The following GRIN2B variants were observed in gnomAD, a reference collection of about 807,000 sequenced individuals.
GRIN2B encodes the protein glutamate receptor ionotropic, NMDA 2B.
GRIN2B carries 5 observed loss-of-function variants against 114.5 expected under a neutral mutation model. That is an observed-to-expected ratio of 0.04 (90% CI 0.02 to 0.09). The LOEUF (loss-of-function observed/expected upper bound fraction) is 0.09, where lower values mean the gene tolerates loss of function less well. Ranked by LOEUF, GRIN2B falls within the 10% of genes least tolerant of loss-of-function variation. The pLI is 1.00. For synonymous variants in GRIN2B, 787 were observed against 745.1 expected (o/e 1.06, Z -0.92); for missense variants, 1,108 against 1,943.5 (o/e 0.57, Z 8.08).
intron 3 of GRIN2B, among the ~76,000 whole-genome samples, chr12:13,825,496 T>TTTTTTG (rs375940899): frequency 8.1e-6 from 1 of 122,970 alleles, no homozygotes. Flanking sequence ...TATATATATT[T>TTTTTTG]TGTGTGTGTG....
chr12:13,744,418 TGA>T (rs1393372160), intron 4 of GRIN2B, among the ~76,000 whole-genome samples: 7 of 152,154 alleles, frequency 4.6e-5, no homozygotes, highest in Non-Finnish European at 7.3e-5. Flanking sequence ...CACATGAATA[TGA>T]GTGTGTGCGT....
chr12:13,931,085 C>T (rs1442291343), intron 2 of GRIN2B, among the ~76,000 whole-genome samples: 1 of 152,136 alleles, frequency 6.6e-6, no homozygotes, highest in Non-Finnish European at 1.5e-5. Flanking sequence ...CTAGGCATTA[C>T]CTAGAAGCAC....
At chr12:13,566,207 G>A (rs1044909657) in intron 13 of GRIN2B, among the ~76,000 whole-genome samples, 3 of 152,088 alleles carry the variant, frequency 2.0e-5, no homozygotes, top group African/African-American at 4.8e-5. Context: ...ATAATTTAAC[G>A]AGAAATCAAT....
intron 2 of GRIN2B, among the ~76,000 whole-genome samples, chr12:13,869,834 G>A (rs1865878877): frequency 6.6e-6 from 1 of 152,222 alleles, no homozygotes; most frequent in Non-Finnish European, 1.5e-5. Flanking sequence ...CTGAGGATGG[G>A]CGAGTCACCT....
chr12:13,647,303 T>C (rs1450136784), intron 5 of GRIN2B, among the ~76,000 whole-genome samples: 1 of 152,116 alleles, frequency 6.6e-6, no homozygotes, highest in East Asian at 1.9e-4. Context: ...TTGGAGAACT[T>C]AAGTATGTGA....
intron 4 of GRIN2B, among the ~76,000 whole-genome samples, chr12:13,727,280 T>C (rs1863006582): frequency 6.6e-6 from 1 of 152,190 alleles, no homozygotes; most frequent in African/African-American, 2.4e-5. Context: ...CAGTTTAATG[T>C]TTTTGTTGCT....
chr12:13,636,662 C>A (rs1360245955), intron 5 of GRIN2B, among the ~76,000 whole-genome samples: 1 of 152,126 alleles, frequency 6.6e-6, no homozygotes, highest in Admixed American at 6.5e-5. Context: ...TGGGCCCAAG[C>A]CACTGGGTGA....
At chr12:13,795,549 G>C (rs143774873) in intron 3 of GRIN2B, among the ~76,000 whole-genome samples, 84 of 152,244 alleles carry the variant, frequency 5.5e-4, no homozygotes, top group African/African-American at 2.0e-3. Context: ...CTAATGCATA[G>C]AAATACCATT....
At position 13,543,954 on chromosome 12, in the gene GRIN2B, A is replaced by G. The variant is rs1948314131; in HGVS notation, c.*18829T>C. Reference sequence around the variant, plus strand: ...AATCCCATGCCCTCTCACTTCATCAAAGACATTACTCCAGCAATTGTCCTC... The same window carrying G: ...AATCCCATGCCCTCTCACTTCATCAGAGACATTACTCCAGCAATTGTCCTC... On this transcript the variant is annotated 3_prime_UTR_variant, in exon 14 of 14. Coordinates refer to ENST00000609686, the MANE Select transcript of GRIN2B (RefSeq NM_000834.5). The G allele has an allele frequency of 6.6e-6, 1 of 152,052 alleles. No homozygotes were observed. Among genetic ancestry groups the G allele is most frequent in the Admixed American group, 6.5e-5 (1 of 15,270 alleles). 9.4% of individuals were successfully genotyped at this position (152,052 alleles called of 1,614,324 possible).
chr12:13,924,943 C>A (rs1220946690), intron 2 of GRIN2B, among the ~76,000 whole-genome samples: 3 of 152,064 alleles, frequency 2.0e-5, no homozygotes, highest in Non-Finnish European at 4.4e-5. Flanking sequence ...CAGACATGGA[C>A]AAAACCTTCC....
At chr12:13,973,975 A>T (rs1004211262) in intron 2 of GRIN2B, among the ~76,000 whole-genome samples, 2 of 152,190 alleles carry the variant, frequency 1.3e-5, no homozygotes, top group African/African-American at 2.4e-5. Flanking sequence ...CCCAGGAGTA[A>T]AAACCTCTAA....
At chr12:13,932,376 A>G (rs560249653) in intron 2 of GRIN2B, among the ~76,000 whole-genome samples, 1 of 152,314 alleles carries the variant, frequency 6.6e-6, no homozygotes, top group Non-Finnish European at 1.5e-5. Flanking sequence ...AATTTATATC[A>G]TGTTTTACAT....
intron 2 of GRIN2B, among the ~76,000 whole-genome samples, chr12:13,973,396 C>T (rs1862963342): frequency 6.6e-6 from 1 of 152,164 alleles, no homozygotes; most frequent in Non-Finnish European, 1.5e-5. Context: ...GTTGAGTGAG[C>T]AGTTCAGAGG....
chr12:13,611,022 T>A (rs1016196916), intron 9 of GRIN2B, among the ~76,000 whole-genome samples: 1 of 152,188 alleles, frequency 6.6e-6, no homozygotes, highest in Admixed American at 6.5e-5. Flanking sequence ...TTAGAGGAGT[T>A]ATTTACAAGG....
At chr12:13,676,424 C>T (rs555322671) in intron 4 of GRIN2B, among the ~76,000 whole-genome samples, 3 of 152,072 alleles carry the variant, frequency 2.0e-5, no homozygotes, top group Non-Finnish European at 4.4e-5. Flanking sequence ...ATTACTCAGC[C>T]TTTTTGAGCC....
intron 10 of GRIN2B, among the ~76,000 whole-genome samples, chr12:13,607,263 T>A (rs1366534530): frequency 1.8e-5 from 1 of 56,422 alleles, no homozygotes; most frequent in Admixed American, 3.3e-4. Flanking sequence ...ATATTATATA[T>A]AATATATAAA....
At chr12:13,704,549 G>T (rs1950341919) in intron 4 of GRIN2B, among the ~76,000 whole-genome samples, 1 of 151,966 alleles carries the variant, frequency 6.6e-6, no homozygotes, top group South Asian at 2.1e-4. Flanking sequence ...ATCCCCCAGT[G>T]CCATCCCAAT....
intron 4 of GRIN2B, among the ~76,000 whole-genome samples, chr12:13,690,199 T>G (rs1325733298): frequency 6.6e-6 from 1 of 152,022 alleles, no homozygotes; most frequent in South Asian, 2.1e-4. Context: ...TATTGATTTG[T>G]TTTTCACTTG....
rs113188116 is a variant in GRIN2B, at chr12:13,707,814, T to TG, written c.1011-31956dup. On this transcript the variant is annotated intron_variant, in intron 4 of 13. Transcript: ENST00000609686. ...TATTGGAATATTTCTATTCAATGCC[T>TG]GAAAAGAAGGAATGAAAGCAACAAA... Among the ~76,000 whole-genome samples the TG allele has an allele frequency of 3.2e-3, 488 of 152,178 alleles. 6 individuals are homozygous for TG. The highest frequency in any genetic ancestry group is 0.011 in the African/African-American group (461 of 41,534).
Sources: gnomAD v4.1 joint callset for allele counts (sites outside exome capture counted in the v4.1 genomes callset) on GRCh38, gnomAD v4.1.1 for gene constraint, MANE v1.5 for transcripts, NCBI Gene and HGNC (gene_info 2026-07-23, HGNC 2026-07-21) for gene names.